Variants in DLG2 observed in about 807,000 individuals in gnomAD.
The protein encoded by DLG2 is disks large homolog 2.
A neutral mutation model predicts 132.5 loss-of-function variants in DLG2; 45 were observed. The ratio of observed to expected loss-of-function variants is 0.34; its 90% confidence interval spans 0.27 to 0.44. The LOEUF is 0.44. DLG2 is among the 20% of genes least tolerant of loss of function. The pLI is 1.00. For missense variants in DLG2, 1,045 were observed against 1,196.9 expected, an observed-to-expected ratio of 0.87 and a Z score of 1.87; for synonymous variants, 424 against 419.6, an observed-to-expected ratio of 1.01 and a Z score of -0.13.
chr11:83,894,191 T>C (rs78381982), intron 15 of DLG2, among the ~76,000 whole-genome samples: 1,937 of 152,314 alleles, frequency 0.013, 31 homozygotes, highest in South Asian at 0.074. Flanking sequence ...GACATTTCTG[T>C]ATCTACTGAA....
intron 7 of DLG2, among the ~76,000 whole-genome samples, chr11:84,336,207 TGTTAAAAA>T (rs2098483963): frequency 6.6e-6 from 1 of 152,202 alleles, no homozygotes; most frequent in African/African-American, 2.4e-5. Context: ...AATTAGGAGA[TGTTAAAAA>T]GTAAAACCAG....
chr11:84,964,576 A>C lies in DLG2; in HGVS notation c.357+147085T>G, dbSNP rs188468301. 5.3e-3 allele frequency among the ~76,000 whole-genome samples: 811 copies of C among 151,668 alleles called. 22 individuals are homozygous for C. Among genetic ancestry groups the C allele is most frequent in the East Asian group, 0.023 (121 of 5,188 alleles). On this transcript the variant is annotated intron_variant, in intron 6 of 27. Transcript: ENST00000376104. ...GCTTTGCTATACATGGAGAAAATAA[A>C]GTACAAGACAACATCCCTCTGCCGT...
At position 84,114,390 on chromosome 11, in the gene DLG2, T is replaced by C. The variant is rs566294990; in HGVS notation, c.625-15343A>G. On this transcript the variant is annotated intron_variant, in intron 9 of 27. Transcript: ENST00000376104. ...TATTTACACCAAGGGCTCTAGGTAG[T>C]ATTAGCCAGCATTATAATTTCTTGA... 6.2e-3 allele frequency among the ~76,000 whole-genome samples: 941 copies of C among 152,332 alleles called. 1 individual carries two copies. The highest frequency in any genetic ancestry group is 9.2e-3 in the Non-Finnish European group (625 of 68,022).
rs138713453 is a variant in DLG2, at chr11:83,504,822, C to T, written c.2194-20594G>A. 1.3e-3 allele frequency among the ~76,000 whole-genome samples: 193 copies of T among 152,262 alleles called. 2 individuals are homozygous for T. The highest frequency in any genetic ancestry group is 7.5e-3 in the South Asian group (36 of 4,822). Reference sequence around the variant, plus strand: ...ATATTAGTTGCTGATTCAGAGCATACGTGGCCTTCTGGAGAACTTTGCCCC... The same window carrying T: ...ATATTAGTTGCTGATTCAGAGCATATGTGGCCTTCTGGAGAACTTTGCCCC... On this transcript the variant is annotated intron_variant, in intron 21 of 27. Transcript: ENST00000376104.
In DLG2 at chr11:84,236,951, T is replaced by C. The variant is rs1363948317; in HGVS notation, c.573+14287A>G. On this transcript the variant is annotated intron_variant, in intron 8 of 27. Transcript: ENST00000376104. ...TTTTTTTTTGTTTTTTTTTTTGAGA[T>C]GGAGTCTCACTCTGTCACTCAGGCT... Among the ~76,000 whole-genome samples, 15 of 146,442 alleles carry C rather than the reference T, an allele frequency of 1.0e-4. No homozygotes were observed. The East Asian group carries it at 2.6e-3, about 25-fold the overall frequency.
At chr11:84,124,274 T>C (rs2094059868) in intron 9 of DLG2, among the ~76,000 whole-genome samples, 1 of 152,188 alleles carries the variant, frequency 6.6e-6, no homozygotes, top group Admixed American at 6.5e-5. Flanking sequence ...TGACATAAAA[T>C]GTGATCTCCG....
At chr11:84,959,071 T>C (rs947208483) in intron 6 of DLG2, among the ~76,000 whole-genome samples, 6 of 152,204 alleles carry the variant, frequency 3.9e-5, no homozygotes, top group African/African-American at 1.4e-4. Context: ...TTAGAGACGC[T>C]TCCCACCAGA....
chr11:84,734,695 A>G (rs1180635537), intron 6 of DLG2, among the ~76,000 whole-genome samples: 3 of 152,114 alleles, frequency 2.0e-5, no homozygotes, highest in Non-Finnish European at 4.4e-5. Flanking sequence ...GTGGTGAGAG[A>G]GGGCATCCCT....
At chr11:84,974,295 A>G (rs1452904091) in intron 6 of DLG2, among the ~76,000 whole-genome samples, 1 of 152,194 alleles carries the variant, frequency 6.6e-6, no homozygotes, top group Non-Finnish European at 1.5e-5. Context: ...TTTGCCATCA[A>G]ACTTACTGGC....
intron 3 of DLG2, among the ~76,000 whole-genome samples, chr11:85,420,257 G>A (rs1408065684): frequency 6.6e-6 from 1 of 152,218 alleles, no homozygotes; most frequent in East Asian, 1.9e-4. Flanking sequence ...GGTATCACCA[G>A]TGAAGTATGC....
chr11:84,723,404 C>T (rs1472605764), intron 6 of DLG2, among the ~76,000 whole-genome samples: 1 of 152,108 alleles, frequency 6.6e-6, no homozygotes, highest in South Asian at 2.1e-4. Context: ...TTATGTTTAA[C>T]TTTAATCAGT....
At chr11:83,680,427 C>T (rs1332834980) in intron 18 of DLG2, among the ~76,000 whole-genome samples, 1 of 152,136 alleles carries the variant, frequency 6.6e-6, no homozygotes, top group African/African-American at 2.4e-5. Context: ...TAAAAAATGT[C>T]ATAGGCTGGC....
intron 7 of DLG2, among the ~76,000 whole-genome samples, chr11:84,413,076 A>C (rs146660283): frequency 6.6e-6 from 1 of 152,346 alleles, no homozygotes; most frequent in African/African-American, 2.4e-5. Flanking sequence ...CCTGACACTG[A>C]ATAATGATGA....
At chr11:84,237,330 A>G (rs1169817817) in intron 8 of DLG2, among the ~76,000 whole-genome samples, 1 of 152,176 alleles carries the variant, frequency 6.6e-6, no homozygotes, top group Non-Finnish European at 1.5e-5. Context: ...TTGCTTTAAA[A>G]ACAAGAAAAC....
chr11:84,192,310 G>A (rs1428316117), intron 8 of DLG2, among the ~76,000 whole-genome samples: 3 of 152,170 alleles, frequency 2.0e-5, no homozygotes, highest in African/African-American at 7.2e-5. Context: ...AAGTAACAGC[G>A]ACATCTAAAA....
chr11:83,471,842 C>A, intron 23 of DLG2, 115 bp from the exon 24 acceptor site: 1 of 784,440 alleles, frequency 1.3e-6, no homozygotes, highest in Admixed American at 2.2e-5. Context: ...AAGGGCATTA[C>A]TTCACTGGAT....
chr11:84,364,302 C>G (rs947268757), intron 7 of DLG2, among the ~76,000 whole-genome samples: 1 of 152,050 alleles, frequency 6.6e-6, no homozygotes, highest in African/African-American at 2.4e-5. Context: ...CATGATTTGG[C>G]TCTCTGTTTG....
chr11:84,987,735 G>T (rs979982522), intron 6 of DLG2, among the ~76,000 whole-genome samples: 1 of 152,118 alleles, frequency 6.6e-6, no homozygotes, highest in Non-Finnish European at 1.5e-5. Context: ...AATGAAACTG[G>T]ATCCTCATAT....
At chr11:84,704,824 T>C (rs1199028659) in intron 6 of DLG2, among the ~76,000 whole-genome samples, 1 of 150,632 alleles carries the variant, frequency 6.6e-6, no homozygotes, top group Non-Finnish European at 1.5e-5. Flanking sequence ...TAAAGTTGAA[T>C]CTACAGGTAG....
Sources: allele counts gnomAD v4.1 joint callset (sites outside exome capture counted in the v4.1 genomes callset), GRCh38; gene constraint gnomAD v4.1.1; transcripts MANE v1.5; gene names NCBI Gene and HGNC (gene_info 2026-07-23, HGNC 2026-07-21).